Variants in TMPRSS9 observed in about 807,000 individuals in gnomAD.
The protein encoded by TMPRSS9 is transmembrane serine protease 9.
In TMPRSS9, 113 loss-of-function variants were observed where a neutral mutation model predicts 111.4. The ratio of observed to expected loss-of-function variants is 1.01; its 90% CI spans 0.87 to 1.19. The LOEUF (loss-of-function observed/expected upper bound fraction) is 1.19. TMPRSS9 is among the 50% of genes most tolerant of loss of function. The pLI is 0.00. For synonymous variants in TMPRSS9, 805 were observed against 659.1 expected, an observed-to-expected ratio of 1.22 and a Z score of -3.39; for missense variants, 1,803 against 1,513.1, an observed-to-expected ratio of 1.19 and a Z score of -3.18.
At chr19:2,374,979 C>T (rs141598849) in intron 1 of TMPRSS9, among the ~76,000 whole-genome samples, 2 of 152,166 alleles carry the variant, frequency 1.3e-5, no homozygotes, top group Non-Finnish European at 2.9e-5. Flanking sequence ...AAACAGGTCC[C>T]GTGGAGGAGC....
rs368289868 is a variant in TMPRSS9 at position 2,365,337 on chromosome 19, G to GA, written c.-26+4987dup. Among the ~76,000 whole-genome samples the GA allele has an allele frequency of 5.8e-3, 850 of 145,774 alleles. 5 individuals are homozygous for GA. The highest frequency in any genetic ancestry group is 0.012 in the African/African-American group (481 of 39,788). On this transcript the variant is annotated intron_variant, in intron 1 of 17. Transcript: ENST00000649857. ...CTAACAAAAAGACCATAGACAAAAT[G>GA]AAAAAAAAAAGGAGACCAAGCTTAT...
At chr19:2,410,194 C>G in intron 8 of TMPRSS9, 64 bp from the exon 10 acceptor site, 1 of 1,596,876 alleles carries the variant, frequency 6.3e-7, no homozygotes, top group Non-Finnish European at 8.5e-7. Context: ...TTCAGCCTCC[C>G]AGCTCAAAGT....
intron 10 of TMPRSS9, among the ~76,000 whole-genome samples, chr19:2,414,359 C>T (rs771804197): frequency 5.3e-5 from 8 of 151,886 alleles, no homozygotes; most frequent in Non-Finnish European, 1.0e-4. Context: ...CCTGCCTCAG[C>T]CTCCTGAACA....
intron 9 of TMPRSS9, among the ~76,000 whole-genome samples, chr19:2,412,725 A>T (rs1253690828): frequency 6.6e-6 from 1 of 151,998 alleles, no homozygotes; most frequent in Non-Finnish European, 1.5e-5. Context: ...CTCCTGCCTA[A>T]TTTTTTTAGC....
At chr19:2,371,615 T>C (rs4503922) in intron 1 of TMPRSS9, among the ~76,000 whole-genome samples, 32,846 of 151,672 alleles carry the variant, frequency 0.22, 6,131 homozygotes, top group African/African-American at 0.5. Context: ...GAGAATCGGT[T>C]GAACCCAGGA....
rs772799270 is a variant in TMPRSS9, at chr19:2,418,155, G to A, written c.2154+17G>A. The A allele has an allele frequency of 8.1e-6, 13 of 1,595,622 alleles. No homozygotes were observed. In the East Asian group the frequency reaches 1.3e-4, roughly 16 times the overall value. Reference sequence around the variant, plus strand: ...TCCTGCCAGGTAAGCATTCAAAGGGGGAAAGCGGGCAATATTTCCATGAAA... The same window carrying A: ...TCCTGCCAGGTAAGCATTCAAAGGGAGAAAGCGGGCAATATTTCCATGAAA... On this transcript the variant is annotated intron_variant, in intron 13 of 17. Coordinates refer to ENST00000648592, the Ensembl canonical transcript of TMPRSS9.
exon 2 of TMPRSS9, chr19:2,396,635 A>C: frequency 6.2e-7 from 1 of 1,606,278 alleles, no homozygotes; most frequent in Non-Finnish European, 8.5e-7. Context: ...TCGGACTATC[A>C]CCGCACGCTG....
chr19:2,425,718 G>C, intron 17 of TMPRSS9: 1 of 1,159,212 alleles, frequency 8.6e-7, no homozygotes, highest in Non-Finnish European at 1.2e-6. Flanking sequence ...AGCAGGCAGA[G>C]GCTGCAGTGG....
chr19:2,374,123 C>T (rs889223693), intron 1 of TMPRSS9, among the ~76,000 whole-genome samples: 22 of 152,056 alleles, frequency 1.4e-4, no homozygotes, highest in Admixed American at 1.2e-3. Flanking sequence ...GACCCCTCCG[C>T]GGCTTCACTG....
intron 1 of TMPRSS9, among the ~76,000 whole-genome samples, chr19:2,379,625 CTTT>C (rs1568170748): frequency 6.5e-4 from 91 of 139,968 alleles, no homozygotes; most frequent in African/African-American, 2.4e-3. Context: ...CTCTTTCTTT[CTTT>C]CTTTCTTTCT....
exon 18 of TMPRSS9, chr19:2,426,143 G>A (rs1971624589): frequency 2.7e-6 from 4 of 1,455,062 alleles, no homozygotes; most frequent in Non-Finnish European, 2.7e-6. Flanking sequence ...GGAGCAGCAG[G>A]CCACCCAACA....
At chr19:2,408,015 T>G (rs1971007042) in intron 7 of TMPRSS9, among the ~76,000 whole-genome samples, 1 of 149,714 alleles carries the variant, frequency 6.7e-6, no homozygotes, top group Non-Finnish European at 1.5e-5. Context: ...AATTCCTGCC[T>G]TCGTGATCCT....
In TMPRSS9 at chr19:2,380,691, G is replaced by C. The variant is rs116595913; in HGVS notation, c.-25-9070G>C. 1.1e-3 allele frequency among the ~76,000 whole-genome samples: 171 copies of C among 151,846 alleles called. 1 individual carries two copies. The highest frequency in any genetic ancestry group is 3.8e-3 in the African/African-American group (156 of 41,372). ...CACCTGGATTGCAGCCTCATGAGAT[G>C]CTGAGCAGAAGGCCCAGCTAAACCC... On this transcript the variant is annotated intron_variant, in intron 1 of 17. Transcript: ENST00000649857.
chr19:2,407,592 T>TTTTTTTTTTTC (rs1555679318), intron 7 of TMPRSS9, among the ~76,000 whole-genome samples: 2 of 87,886 alleles, frequency 2.3e-5, no homozygotes, highest in Non-Finnish European at 2.2e-5. Context: ...CACCTGTGAT[T>TTTTTTTTTTTC]TTTTTCTTTT....
exon 18 of TMPRSS9, chr19:2,426,223 AC>A (rs1431532922): frequency 8.5e-7 from 1 of 1,176,348 alleles, no homozygotes; most frequent in Non-Finnish European, 1.2e-6. Context: ...GCATTTTGGT[AC>A]CACCCTTTGT....
At position 2,409,617 on chromosome 19, in the gene TMPRSS9, T is replaced by G. The variant is rs1173052798; in HGVS notation, c.1118-641T>G. Among the ~76,000 whole-genome samples the G allele has an allele frequency of 3.3e-5, 5 of 151,932 alleles. No homozygotes were observed. In the East Asian group the frequency reaches 9.6e-4, roughly 29 times the overall value. ...TGGGGGTGGCAGCTGCAGCTTTAAA[T>G]AGGGAGGTCAGGAGATGCCTCCTGG... On this transcript the variant is annotated intron_variant, in intron 8 of 17. Transcript: ENST00000648592.
At chr19:2,405,332 C>T in intron 6 of TMPRSS9, 42 bp from the exon 8 acceptor site, 1 of 1,545,528 alleles carries the variant, frequency 6.5e-7, no homozygotes, top group Non-Finnish European at 8.7e-7. Context: ...GGGTGAGGTC[C>T]TGCCTTCGTG....
At position 2,425,393 on chromosome 19, in the gene TMPRSS9, G is replaced by C; in HGVS notation, c.3020G>C (p.Arg1007Pro). 6.4e-7 allele frequency: 1 copy of C among 1,557,182 alleles called. No homozygotes were observed. Among genetic ancestry groups the C allele is most frequent in the Non-Finnish European group, 8.6e-7 (1 of 1,160,494 alleles). Residue 1007 changes from arginine to proline, a missense_variant, in exon 17 of 18, where the codon CGC becomes CCC. Coordinates refer to ENST00000648592, the Ensembl canonical transcript of TMPRSS9. ...CGGCAGCTGCAGAAGGCGGCCGTGC[G>C]CCTCCTCAGCGAGCAGACCTGCCGC...
intron 2 of TMPRSS9, among the ~76,000 whole-genome samples, chr19:2,397,962 C>T (rs547009204): frequency 2.5e-4 from 27 of 106,892 alleles, no homozygotes; most frequent in African/African-American, 9.3e-4. Context: ...GTGGCTCACG[C>T]CTGTGACGCC....
Sources: gnomAD v4.1 joint callset for allele counts (sites outside exome capture counted in the v4.1 genomes callset) on GRCh38, gnomAD v4.1.1 for gene constraint, MANE v1.5 for transcripts, NCBI Gene and HGNC (gene_info 2026-07-23, HGNC 2026-07-21) for gene names.